LSAMP: variants seen among roughly 807,000 people sequenced by gnomAD.
LSAMP encodes limbic system associated membrane protein.
LSAMP carries 7 observed loss-of-function variants against 38.6 expected under a neutral mutation model. The ratio of observed to expected loss-of-function variants is 0.18; its 90% CI spans 0.10 to 0.34. The LOEUF (loss-of-function observed/expected upper bound fraction) is 0.34, where lower values mean the gene tolerates loss of function less well. Ranked by LOEUF, LSAMP falls within the 10% of genes least tolerant of loss-of-function variation. LSAMP has a pLI of 1.00. For synonymous variants in LSAMP, 154 were observed against 166.8 expected, an observed-to-expected ratio of 0.92 and a Z score of 0.59; for missense variants, 313 against 420.0, an observed-to-expected ratio of 0.75 and a Z score of 2.23.
intron 1 of LSAMP, among the ~76,000 whole-genome samples, chr3:116,217,444 A>G (rs1196344273): frequency 6.6e-6 from 1 of 152,228 alleles, no homozygotes; most frequent in Non-Finnish European, 1.5e-5. Context: ...ATCCAGTTTC[A>G]TGGTTTGTTT....
At chr3:116,392,233 G>A (rs1175706782) in intron 1 of LSAMP, among the ~76,000 whole-genome samples, 1 of 152,122 alleles carries the variant, frequency 6.6e-6, no homozygotes, top group African/African-American at 2.4e-5. Flanking sequence ...GAACTCTCCA[G>A]GTGCAGCTAC....
chr3:116,211,913 G>A (rs1045654048), intron 1 of LSAMP, among the ~76,000 whole-genome samples: 10 of 152,188 alleles, frequency 6.6e-5, no homozygotes, highest in Non-Finnish European at 1.3e-4. Context: ...AGCAGGAGAC[G>A]TTGGTTCCAT....
At chr3:115,874,522 A>G (rs970490707) in intron 3 of LSAMP, among the ~76,000 whole-genome samples, 19 of 152,122 alleles carry the variant, frequency 1.2e-4, no homozygotes, top group Non-Finnish European at 1.8e-4. Flanking sequence ...TCTCTGCTCC[A>G]GGCCCATTTA....
At chr3:116,108,233 C>T (rs1228788002) in intron 1 of LSAMP, among the ~76,000 whole-genome samples, 7 of 152,186 alleles carry the variant, frequency 4.6e-5, no homozygotes, top group East Asian at 1.9e-4. Flanking sequence ...CAATGAGATG[C>T]AGCTGTAATC....
chr3:116,313,041 C>A (rs1046181878), intron 1 of LSAMP, among the ~76,000 whole-genome samples: 1 of 152,106 alleles, frequency 6.6e-6, no homozygotes, highest in African/African-American at 2.4e-5. Context: ...TTCTTTGGAA[C>A]AAAAACATTC....
At chr3:116,301,077 T>TTAAAA (rs1355047225) in intron 1 of LSAMP, among the ~76,000 whole-genome samples, 1 of 151,688 alleles carries the variant, frequency 6.6e-6, no homozygotes. Context: ...ACTTTGGGAA[T>TTAAAA]TAAAATAACA....
At chr3:116,339,435 A>G (rs2047964199) in intron 1 of LSAMP, among the ~76,000 whole-genome samples, 1 of 151,946 alleles carries the variant, frequency 6.6e-6, no homozygotes, top group Non-Finnish European at 1.5e-5. Context: ...AACAATCAGC[A>G]GCACTGAATG....
chr3:116,118,316 C>G (rs1708798907), intron 1 of LSAMP, among the ~76,000 whole-genome samples: 1 of 152,118 alleles, frequency 6.6e-6, no homozygotes, highest in Non-Finnish European at 1.5e-5. Flanking sequence ...CCTTCCTTCC[C>G]CCTATTTCCA....
intron 1 of LSAMP, among the ~76,000 whole-genome samples, chr3:116,129,475 T>C (rs187561562): frequency 2.0e-5 from 3 of 152,346 alleles, no homozygotes; most frequent in Admixed American, 1.3e-4. Context: ...TTATATTAGA[T>C]TTTATTTACA....
intron 2 of LSAMP, among the ~76,000 whole-genome samples, chr3:116,031,538 C>CTTTTTT (rs56951507): frequency 2.8e-4 from 17 of 60,272 alleles, no homozygotes; most frequent in Admixed American, 4.7e-4. Flanking sequence ...AGCCTAAATT[C>CTTTTTT]TTTTTTTTTT....
chr3:116,394,507 C>G (rs574943500), intron 1 of LSAMP, among the ~76,000 whole-genome samples: 1 of 152,252 alleles, frequency 6.6e-6, no homozygotes, highest in South Asian at 2.1e-4. Flanking sequence ...TTCCTCCCAC[C>G]TCCACACACA....
At chr3:115,862,897 C>T (rs188979077) in intron 3 of LSAMP, among the ~76,000 whole-genome samples, 7 of 152,232 alleles carry the variant, frequency 4.6e-5, no homozygotes, top group Non-Finnish European at 7.4e-5. Context: ...GTGTCAGGAG[C>T]GCAGGTAGAG....
At chr3:116,248,498 T>A (rs375557926) in intron 1 of LSAMP, among the ~76,000 whole-genome samples, 15,971 of 146,520 alleles carry the variant, frequency 0.11, 1,215 homozygotes, top group African/African-American at 0.17. Flanking sequence ...TGTGTGTGTG[T>A]GTGTGTGTGT....
At chr3:115,981,490 T>A (rs999115927) in intron 3 of LSAMP, among the ~76,000 whole-genome samples, 2 of 152,204 alleles carry the variant, frequency 1.3e-5, no homozygotes, top group South Asian at 4.1e-4. Flanking sequence ...ACCTTGTATT[T>A]TTTATAGAAA....
At chr3:116,118,831 C>T (rs79600696) in intron 1 of LSAMP, among the ~76,000 whole-genome samples, 3,149 of 152,198 alleles carry the variant, frequency 0.021, 117 homozygotes, top group African/African-American at 0.072. Flanking sequence ...ACTAAACTTC[C>T]ACCCCTCATC....
intron 3 of LSAMP, among the ~76,000 whole-genome samples, chr3:115,867,897 T>G (rs1245595030): frequency 1.3e-5 from 2 of 152,168 alleles, no homozygotes; most frequent in African/African-American, 4.8e-5. Context: ...GAGCATGTGA[T>G]TGCAAAGGCA....
chr3:115,929,979 C>T (rs951739480), intron 3 of LSAMP, among the ~76,000 whole-genome samples: 1 of 138,510 alleles, frequency 7.2e-6, no homozygotes, highest in Admixed American at 7.5e-5. Context: ...TGTTTATTAT[C>T]CAGATCTATA....
At chr3:115,818,867 A>G (rs899048892) in intron 6 of LSAMP, among the ~76,000 whole-genome samples, 7 of 143,780 alleles carry the variant, frequency 4.9e-5, no homozygotes, top group Non-Finnish European at 1.5e-5. Flanking sequence ...TCTAGCACAA[A>G]AAAAGTGATT....
intron 2 of LSAMP, among the ~76,000 whole-genome samples, chr3:116,036,374 T>C (rs981699626): frequency 2.0e-5 from 3 of 152,170 alleles, no homozygotes; most frequent in Non-Finnish European, 4.4e-5. Flanking sequence ...TGACGAGTTA[T>C]AGCCTCCTGC....
Sources: allele counts gnomAD v4.1 joint callset (sites outside exome capture counted in the v4.1 genomes callset), GRCh38; gene constraint gnomAD v4.1.1; transcripts MANE v1.5; gene names NCBI Gene and HGNC (gene_info 2026-07-23, HGNC 2026-07-21).